Variants in UACA observed in about 807,000 individuals in gnomAD.
UACA encodes nuclear membrane binding protein.
UACA carries 112 observed loss-of-function variants against 160.5 expected under a neutral mutation model. The observed-to-expected ratio is 0.70, with a 90% CI of 0.60 to 0.82. The LOEUF is 0.82. UACA is among the 40% of genes least tolerant of loss of function. UACA has a pLI of 0.00. For synonymous variants in UACA, 557 were observed against 568.4 expected, an observed-to-expected ratio of 0.98 and a Z score of 0.29; for missense variants, 1,574 against 1,614.6, an observed-to-expected ratio of 0.97 and a Z score of 0.43.
At chr15:70,718,330 G>A (rs1380072260) in intron 1 of UACA, among the ~76,000 whole-genome samples, 1 of 111,706 alleles carries the variant, frequency 9.0e-6, no homozygotes, top group Admixed American at 8.7e-5. Flanking sequence ...GAGAATGTGT[G>A]TGTGTGTGTG....
chr15:70,670,884 A>C (rs1897113765), intron 15 of UACA, among the ~76,000 whole-genome samples, 155 bp downstream of exon 15: 1 of 152,128 alleles, frequency 6.6e-6, no homozygotes. Flanking sequence ...TGTTTTTATT[A>C]AACTCAAGAA....
intron 17 of UACA, 116 bp downstream of exon 17, chr15:70,664,546 A>G: frequency 7.9e-7 from 1 of 1,261,236 alleles, no homozygotes. Flanking sequence ...AAAAATAATT[A>G]TATTCTTGGA....
At chr15:70,681,550 ATTC>A (rs1283080019) in intron 9 of UACA, 1 of 152,178 alleles carries the variant, frequency 6.6e-6, no homozygotes, top group East Asian at 1.9e-4. Flanking sequence ...ATATTCAATA[ATTC>A]TTTTTATTTT....
chr15:70,661,909 G>T (rs901846818), intron 17 of UACA, among the ~76,000 whole-genome samples: 4 of 152,148 alleles, frequency 2.6e-5, no homozygotes, highest in African/African-American at 9.7e-5. Flanking sequence ...ATATCATACT[G>T]AATGGGCAAA....
At chr15:70,752,239 A>G (rs1398796823) in intron 1 of UACA, among the ~76,000 whole-genome samples, 18 of 694 alleles carry the variant, frequency 0.026, no homozygotes, top group African/African-American at 0.04. Flanking sequence ...AACTCCATCA[A>G]AAAAAAAAAA....
At position 70,668,274 on chromosome 15, in the gene UACA, C is replaced by T. The variant is rs747325846; in HGVS notation, c.2410G>A (p.Val804Ile). 3.7e-6 allele frequency: 6 copies of T among 1,613,404 alleles called. No individual in the cohort carries two copies. Among genetic ancestry groups the T allele is most frequent in the Non-Finnish European group, 5.1e-6 (6 of 1,179,928 alleles). ...KDVSRLETVF[V>I]PPEKHEKEII... ...TCTTTTTCATGTTTCTCAGGAGGTA[C>T]AAACACAGTTTCTAGGCGGCTTACA... is the stretch of plus-strand genomic sequence containing the variant. Residue 804 changes from valine (V) to isoleucine (I), a missense_variant, in exon 16 of 19, where the codon GTA becomes ATA. By Grantham distance (29) the Val-to-Ile change is conservative. Transcript: ENST00000322954.
chr15:70,672,598 GT>G lies in UACA; in HGVS notation c.1132-598del, dbSNP rs574421344. ...GCTACAGTGAATCAAAATATACTGG[GT>G]TGTTCCTTTTCCCAAGTAAGCCAAA... On this transcript the variant is annotated intron_variant, in intron 13 of 18. Coordinates refer to ENST00000322954, the MANE Select transcript of UACA (RefSeq NM_018003.4). Among the ~76,000 whole-genome samples, 11 of 152,246 alleles carry G rather than the reference GT, an allele frequency of 7.2e-5. No individual in the cohort carries two copies. In the South Asian group the frequency reaches 2.3e-3, roughly 32 times the overall value.
intron 15 of UACA, among the ~76,000 whole-genome samples, chr15:70,670,748 A>G (rs1897110052): frequency 1.3e-5 from 2 of 152,198 alleles, no homozygotes; most frequent in Admixed American, 1.3e-4. Flanking sequence ...GCAAATATGA[A>G]GAGTTAACTA....
At chr15:70,767,414 C>G (rs1044773058), upstream of UACA, among the ~76,000 whole-genome samples, 2 of 151,608 alleles carry the variant, frequency 1.3e-5, no homozygotes, top group Non-Finnish European at 2.9e-5. Context: ...CATGGTGAAA[C>G]CCCATCTCTA....
intron 2 of UACA, 84 bp downstream of exon 2, chr15:70,699,443 A>C: frequency 6.8e-7 from 1 of 1,473,300 alleles, no homozygotes; most frequent in South Asian, 1.3e-5. Flanking sequence ...AAGTAAGTTG[A>C]TAACTACAAT....
At chr15:70,761,135 C>A (rs1000717376) in intron 1 of UACA, among the ~76,000 whole-genome samples, 1 of 151,900 alleles carries the variant, frequency 6.6e-6, no homozygotes, top group African/African-American at 2.4e-5. Flanking sequence ...AAAAAAAAGT[C>A]CAAGATATGA....
chr15:70,702,015 A>G, intron 1 of UACA: 1 of 1,557,840 alleles, frequency 6.4e-7, no homozygotes, highest in Admixed American at 1.8e-5. Flanking sequence ...AACTCCTGAC[A>G]AGTGACTCAG....
At chr15:70,690,076 TAAGGA>T (rs1454046834) in intron 5 of UACA, among the ~76,000 whole-genome samples, 4 of 152,120 alleles carry the variant, frequency 2.6e-5, no homozygotes, top group Non-Finnish European at 4.4e-5. Context: ...AAACATAGTT[TAAGGA>T]AAGTCTTCTT....
At chr15:70,659,019 C>T (rs1896582342) in intron 18 of UACA, among the ~76,000 whole-genome samples, 1 of 152,108 alleles carries the variant, frequency 6.6e-6, no homozygotes, top group Non-Finnish European at 1.5e-5. Context: ...TTAGGAGCAA[C>T]CTCTTCCTCT....
chr15:70,767,040 A>G (rs2031025165), upstream of UACA, among the ~76,000 whole-genome samples: 1 of 151,874 alleles, frequency 6.6e-6, no homozygotes, highest in Non-Finnish European at 1.5e-5. Context: ...GGAGATCGAG[A>G]CAATCCTGGC....
chr15:70,715,162 A>G (rs974176236), intron 1 of UACA, among the ~76,000 whole-genome samples: 4 of 152,170 alleles, frequency 2.6e-5, no homozygotes, highest in African/African-American at 9.7e-5. Context: ...CATAAGTAAA[A>G]TTTTTTAAAT....
Position 70,684,372 on chromosome 15 carries a change from A to C in UACA, c.677T>G (p.Ile226Arg). 1.2e-6 allele frequency: 2 copies of C among 1,613,866 alleles called. No homozygotes were observed. The highest frequency in any genetic ancestry group is 1.1e-5 in the South Asian group (1 of 91,060). Residue 226 changes from isoleucine (I) to arginine (R), a missense_variant, in exon 8 of 19, where the codon ATA becomes AGA. Transcript: ENST00000322954. ...VEVLIKNGAD[I>R]SLLDALGHDS... The stretch of plus-strand genomic sequence containing the variant: ...ATGGCCAAGCGCATCCAGCAAGCTT[A>C]TATCAGCACCATTTTTAATTAAGAC...
chr15:70,737,525 G>A (rs1357354424), intron 1 of UACA, among the ~76,000 whole-genome samples: 6 of 151,998 alleles, frequency 3.9e-5, no homozygotes, highest in East Asian at 1.9e-4. Flanking sequence ...TGGTCAACAC[G>A]GTGAAACCCC....
intron 1 of UACA, among the ~76,000 whole-genome samples, chr15:70,708,464 C>CTT (rs1190953678): frequency 2.1e-5 from 3 of 143,070 alleles, no homozygotes; most frequent in Non-Finnish European, 3.1e-5. Flanking sequence ...ACAATACTAT[C>CTT]TTTTTTTTTT....
Sources: gnomAD v4.1 joint callset for allele counts (sites outside exome capture counted in the v4.1 genomes callset) on GRCh38, gnomAD v4.1.1 for gene constraint, MANE v1.5 for transcripts, NCBI Gene and HGNC (gene_info 2026-07-23, HGNC 2026-07-21) for gene names.